The following SLC16A3 variants were observed in gnomAD, a reference collection of about 807,000 sequenced individuals.
SLC16A3 encodes the protein solute carrier family 16 member 3.
A neutral mutation model predicts 25.0 loss-of-function variants in SLC16A3; 22 were observed. The ratio of observed to expected loss-of-function variants is 0.88; its 90% CI spans 0.63 to 1.26. The LOEUF is 1.26. SLC16A3 is among the 50% of genes most tolerant of loss of function. SLC16A3 has a pLI of 0.00. For synonymous variants in SLC16A3, 390 were observed against 309.2 expected (o/e 1.26, Z -2.74); for missense variants, 731 against 666.6 (o/e 1.10, Z -1.06).
intron 1 of SLC16A3, among the ~76,000 whole-genome samples, chr17:82,218,824 G>A (rs1313169265): frequency 2.0e-5 from 3 of 152,262 alleles, no homozygotes; most frequent in South Asian, 2.1e-4. Flanking sequence ...CCCGAAGCCC[G>A]TCACTCACCT....
chr17:82,239,058 C>T lies in SLC16A3; in HGVS notation c.*82C>T. ...CTATTTATTTTACAAACTGGACTGG[C>T]TCAGGCAGGGCCACGGCTGGGCTCC... On this transcript the variant is annotated 3_prime_UTR_variant, in exon 5 of 5. Transcript: ENST00000582743. The T allele has an allele frequency of 7.2e-7, 1 of 1,379,680 alleles. No individual in the cohort carries two copies. The highest frequency in any genetic ancestry group is 1.6e-5 in the South Asian group (1 of 63,990). 85.5% of individuals were successfully genotyped at this position (1,379,680 alleles called of 1,614,324 possible).
At position 82,235,965 on chromosome 17, in the gene SLC16A3, G is replaced by C; in HGVS notation, c.-26-18G>C. ...ATGGTCACCCGGGCAGCCTGAGTCAGCCTGCTTTCTCTCTCAGGTGAGGCG... is the reference window on the plus strand; with the variant it reads ...ATGGTCACCCGGGCAGCCTGAGTCACCCTGCTTTCTCTCTCAGGTGAGGCG... On this transcript the variant is annotated intron_variant, in intron 1 of 4. Transcript: ENST00000582743. 6.5e-7 allele frequency: 1 copy of C among 1,547,096 alleles called. No individual in the cohort carries two copies. The highest frequency in any genetic ancestry group is 1.1e-5 in the South Asian group (1 of 88,032).
intron 1 of SLC16A3, among the ~76,000 whole-genome samples, chr17:82,220,465 G>A (rs2050382282): frequency 6.6e-6 from 1 of 152,146 alleles, no homozygotes; most frequent in Non-Finnish European, 1.5e-5. Flanking sequence ...ACTGATTTTT[G>A]TCCTTAGGAA....
chr17:82,233,732 C>G lies in SLC16A3; in HGVS notation c.-26-2251C>G, dbSNP rs532899771. 2.0e-5 allele frequency: 3 copies of G among 152,412 alleles called. No homozygotes were observed. The South Asian group carries it at 6.2e-4, about 32-fold the overall frequency. The allele number at this position is 152,412 out of a possible 1,614,324, so 9.4% of individuals were successfully genotyped here. A position where few individuals can be genotyped will look rare whatever the true frequency, so the allele number is the denominator to read the frequency against. On this transcript the variant is annotated intron_variant, in intron 1 of 4. Transcript: ENST00000582743. ...GTTTATTTTTAAAAGTGCAAACTTG[C>G]AACCCCAAACAAGCTGGGGCCCTGA...
upstream of SLC16A3, among the ~76,000 whole-genome samples, chr17:82,227,711 T>TC (rs1478130402): frequency 6.7e-6 from 1 of 148,822 alleles, no homozygotes; most frequent in East Asian, 2.0e-4. Flanking sequence ...AGTAGAGTCT[T>TC]CATCTGTGAA....
At chr17:82,238,051 G>A (rs2050659058) in intron 4 of SLC16A3, among the ~76,000 whole-genome samples, 158 bp downstream of exon 4, 1 of 152,220 alleles carries the variant, frequency 6.6e-6, no homozygotes, top group Non-Finnish European at 1.5e-5. Flanking sequence ...ATTCTGCTGG[G>A]GCTAGCGGGT....
At chr17:82,227,566 A>C (rs978289381), upstream of SLC16A3, among the ~76,000 whole-genome samples, 2 of 126,040 alleles carry the variant, frequency 1.6e-5, no homozygotes, top group Non-Finnish European at 3.1e-5. Flanking sequence ...TGGTGCAGGA[A>C]GATGGGAGCA....
rs779170176 is a variant in SLC16A3, at chr17:82,238,811, G to A, written c.1233G>A (p.Arg411=). ...TGCTGGGCAACTTCTTCTGCATTAG[G>A]AAGAAGCCCAAAGAGCCACAGCCTG... ...ILLLGNFFCI[R]KKPKEPQPEV... Residue 411 remains arginine (R), a synonymous_variant, in exon 5 of 5, where the codon AGG becomes AGA. Transcript: ENST00000582743. The A allele has an allele frequency of 2.5e-6, 4 of 1,612,892 alleles. No individual in the cohort carries two copies. In the South Asian group the frequency reaches 3.3e-5, roughly 13 times the overall value.
Position 82,237,250 on chromosome 17 carries a change from G to A in SLC16A3, c.480G>A (p.Leu160=), listed in dbSNP as rs769254492. The A allele has an allele frequency of 6.0e-5, 93 of 1,562,690 alleles. No homozygotes were observed. Among genetic ancestry groups the A allele is most frequent in the Non-Finnish European group, 4.7e-5 (54 of 1,153,866 alleles). The change falls in exon 4 of 5, where the codon CTG becomes CTA. Residue 160 remains leucine (L), a synonymous_variant. Transcript: ENST00000582743. ...GLAAAGSPVF[L]CALSPLGQLL... The stretch of plus-strand genomic sequence containing the variant: ...CGGCAGCAGGTAGCCCTGTCTTCCT[G>A]TGTGCCCTGAGCCCGCTGGGGCAGC...
At chr17:82,233,836 T>TTTTA (rs1378042570) in intron 1 of SLC16A3, 1 of 151,678 alleles carries the variant, frequency 6.6e-6, no homozygotes, top group Non-Finnish European at 1.5e-5. Flanking sequence ...GTGCATATAT[T>TTTTA]TTTATTTTTT....
intron 1 of SLC16A3, among the ~76,000 whole-genome samples, chr17:82,221,095 A>G (rs2050386670): frequency 6.6e-6 from 1 of 152,122 alleles, no homozygotes; most frequent in African/African-American, 2.4e-5. Context: ...CTGGGATTAC[A>G]GGTGTGAGCC....
chr17:82,239,934 G>A lies in SLC16A3; in HGVS notation c.*958G>A. The A allele has an allele frequency of 1.7e-6, 2 of 1,158,538 alleles. No homozygotes were observed. The highest frequency in any genetic ancestry group is 2.2e-6 in the Non-Finnish European group (2 of 919,502). The allele number at this position is 1,158,538 out of a possible 1,614,324, so 71.8% of individuals were successfully genotyped here. On this transcript the variant is annotated 3_prime_UTR_variant, in exon 5 of 5. Coordinates refer to ENST00000582743, the MANE Select transcript of SLC16A3 (RefSeq NM_004207.4). ...CCCACCTGCCCTCGTGGCCAGCAGT[G>A]GCCTGCGTGGCTGGGAGCCCGGTCA...
Position 82,237,719 on chromosome 17 carries a change from G to A in SLC16A3, c.949G>A (p.Asp317Asn), listed in dbSNP as rs148780830. 45 of 1,611,784 alleles carry A rather than the reference G, an allele frequency of 2.8e-5. No individual in the cohort carries two copies. Among genetic ancestry groups the A allele is most frequent in the Non-Finnish European group, 3.6e-5 (42 of 1,179,668 alleles). ...LADLAGSTAG[D>N]YGGLVVFCIF... ...GGACCTGGCGGGTTCTACGGCGGGC[G>A]ACTACGGCGGCCTCGTGGTCTTCTG... is the stretch of plus-strand genomic sequence containing the variant. Residue 317 changes from aspartate (D) to asparagine (N), a missense_variant, in exon 4 of 5, where the codon GAC (aspartate) becomes AAC (asparagine). Asp to Asn is a conservative substitution (Grantham distance 23). Coordinates refer to ENST00000582743, the MANE Select transcript of SLC16A3 (RefSeq NM_004207.4).
At chr17:82,232,918 C>CGGTG (rs1555787461) in intron 1 of SLC16A3, among the ~76,000 whole-genome samples, 2 of 47,244 alleles carry the variant, frequency 4.2e-5, no homozygotes, top group Admixed American at 2.4e-4. Flanking sequence ...TGGGGGGCGG[C>CGGTG]GGGGGGGGGG....
chr17:82,237,322 C>A lies in SLC16A3; in HGVS notation c.552C>A (p.Gly184=), dbSNP rs752949014. The A allele has an allele frequency of 6.5e-7, 1 of 1,543,108 alleles. No individual in the cohort carries two copies. Among genetic ancestry groups the A allele is most frequent in the Admixed American group, 2.0e-5 (1 of 50,608 alleles). Reference sequence around the variant, plus strand: ...GGCGGGGCGGCTTCCTCATCCTGGGCGGCCTGCTGCTCAACTGCTGCGTGT... The same window carrying A: ...GGCGGGGCGGCTTCCTCATCCTGGGAGGCCTGCTGCTCAACTGCTGCGTGT... The part of the protein sequence containing the change: ...YGWRGGFLIL[G]GLLLNCCVCA... Residue 184 remains glycine (G), a synonymous_variant, in exon 4 of 5, where the codon GGC becomes GGA. Coordinates refer to ENST00000582743, the MANE Select transcript of SLC16A3 (RefSeq NM_004207.4).
chr17:82,237,961 G>T (rs1020819353), intron 4 of SLC16A3, 68 bp downstream of exon 4: 1 of 1,536,906 alleles, frequency 6.5e-7, no homozygotes, highest in African/African-American at 1.4e-5. Flanking sequence ...TTTGCGAGGG[G>T]GGGGACGCGC....
upstream of SLC16A3, among the ~76,000 whole-genome samples, chr17:82,227,542 A>G (rs2050431124): frequency 6.7e-6 from 1 of 150,276 alleles, no homozygotes; most frequent in African/African-American, 2.5e-5. Context: ...CTCCTCAGAA[A>G]CTGATGAATC....
intron 1 of SLC16A3, chr17:82,231,314 C>G (rs2050492359): frequency 6.6e-6 from 1 of 152,234 alleles, no homozygotes; most frequent in African/African-American, 2.4e-5. Context: ...GGAGGGGCCT[C>G]TCCTGGCGAG....
At chr17:82,227,601 A>G (rs1044081644), upstream of SLC16A3, among the ~76,000 whole-genome samples, 3 of 94,214 alleles carry the variant, frequency 3.2e-5, no homozygotes, top group African/African-American at 1.0e-4. Context: ...CGGGAGCACC[A>G]CCTGCCCTGG....
Sources: gnomAD v4.1 joint callset for allele counts (sites outside exome capture counted in the v4.1 genomes callset) on GRCh38, gnomAD v4.1.1 for gene constraint, MANE v1.5 for transcripts, NCBI Gene and HGNC (gene_info 2026-07-23, HGNC 2026-07-21) for gene names.